The following COL4A4 variants were observed in gnomAD, a reference collection of about 807,000 sequenced individuals.
The protein encoded by COL4A4 is collagen type IV alpha 4 chain, also known as collagen alpha-4(IV) chain.
A neutral mutation model predicts 192.9 loss-of-function variants in COL4A4; 105 were observed. The ratio of observed to expected loss-of-function variants is 0.54; its 90% CI spans 0.46 to 0.64. The LOEUF is 0.64. Among genes scored for constraint, COL4A4 ranks in the 30% least tolerant of loss-of-function variants. The pLI is 0.00. For missense variants in COL4A4, 1,967 were observed against 2,169.3 expected (o/e 0.91, Z 1.85); for synonymous variants, 762 against 769.9 (o/e 0.99, Z 0.17).
rs756788225 is a variant in COL4A4 at position 227,060,191 on chromosome 2, A to G, written c.2109T>C (p.Asp703=). Reference sequence around the variant, plus strand: ...GTGTGCCAGGTCTGCCTTTATGCCCATCTGAACCACTCAGCCCAGGGGCAC... The same window carrying G: ...GTGTGCCAGGTCTGCCTTTATGCCCGTCTGAACCACTCAGCCCAGGGGCAC... ...PQGAPGLSGS[D]GHKGRPGTPG... is the part of the protein sequence containing the mutation. The change falls in exon 27 of 48, where the codon GAT becomes GAC. Residue 703 remains aspartate, a synonymous_variant. Coordinates refer to ENST00000396625, the MANE Select transcript of COL4A4 (RefSeq NM_000092.5). The G allele has an allele frequency of 2.5e-6, 4 of 1,607,798 alleles. No individual in the cohort carries two copies. In the East Asian group the frequency reaches 9.0e-5, roughly 36 times the overall value.
chr2:227,026,382 C>T (rs915110505), intron 42 of COL4A4, among the ~76,000 whole-genome samples: 1 of 151,944 alleles, frequency 6.6e-6, no homozygotes, highest in Non-Finnish European at 1.5e-5. Flanking sequence ...CCTGTAGTCC[C>T]AGCTACTCCG....
chr2:227,022,613 C>A (rs1559431641), intron 43 of COL4A4: 1 of 516,372 alleles, frequency 1.9e-6, no homozygotes, highest in East Asian at 5.5e-5. Flanking sequence ...CTCTACACTG[C>A]AGCCACGTGG....
At chr2:227,126,146 T>C (rs1170376605) in intron 4 of COL4A4, among the ~76,000 whole-genome samples, 1 of 152,200 alleles carries the variant, frequency 6.6e-6, no homozygotes, top group Admixed American at 6.5e-5. Context: ...GTATACTGTA[T>C]ATAGCATTTA....
At chr2:227,034,472 C>T (rs1969126284) in intron 37 of COL4A4, among the ~76,000 whole-genome samples, 1 of 152,114 alleles carries the variant, frequency 6.6e-6, no homozygotes, top group Non-Finnish European at 1.5e-5. Flanking sequence ...ACTGAAGCTT[C>T]TTCCCAGCCT....
chr2:226,967,973 C>G, the COL4A4 span, among the ~76,000 whole-genome samples: 1 of 152,178 alleles, frequency 6.6e-6, no homozygotes, highest in African/African-American at 2.4e-5. Context: ...CCATGACTCT[C>G]TTTTGCTAGT....
At chr2:227,095,826 C>T (rs1402364934) in intron 19 of COL4A4, among the ~76,000 whole-genome samples, 15 of 152,116 alleles carry the variant, frequency 9.9e-5, no homozygotes, top group African/African-American at 3.6e-4. Context: ...ACCTGAGAGG[C>T]GGAGGTTGCA....
chr2:227,120,648 C>T (rs762940802), intron 5 of COL4A4, among the ~76,000 whole-genome samples: 1 of 152,018 alleles, frequency 6.6e-6, no homozygotes, highest in Non-Finnish European at 1.5e-5. Flanking sequence ...TTATAAAACT[C>T]CAGTGCTGGC....
chr2:227,002,614 A>ACTT (rs747092866), downstream of COL4A4: 2 of 152,508 alleles, frequency 1.3e-5, no homozygotes, highest in South Asian at 4.1e-4. Flanking sequence ...TGCAGTTCAC[A>ACTT]CTTCCACAAG....
intron 44 of COL4A4, among the ~76,000 whole-genome samples, chr2:227,020,610 G>A (rs765710194): frequency 6.6e-6 from 1 of 152,110 alleles, no homozygotes; most frequent in Non-Finnish European, 1.5e-5. Context: ...ACAAAATTCA[G>A]TTCTGCTTCC....
At chr2:227,051,483 G>A (rs924309248) in intron 32 of COL4A4, among the ~76,000 whole-genome samples, 55 of 152,290 alleles carry the variant, frequency 3.6e-4, no homozygotes, top group African/African-American at 1.3e-3. Flanking sequence ...AAGCCAAGAT[G>A]AGCACCTCAT....
At chr2:227,031,801 C>T in intron 40 of COL4A4, 144 bp downstream of exon 40, 1 of 717,902 alleles carries the variant, frequency 1.4e-6, no homozygotes, top group South Asian at 1.5e-5. Flanking sequence ...CCCACCCTAA[C>T]TGTGTCCCAC....
the COL4A4 span, chr2:226,996,493 G>A: frequency 6.6e-6 from 1 of 152,188 alleles, no homozygotes. Flanking sequence ...GGCATTTCCT[G>A]GTGCTTGTGT....
chr2:227,094,856 C>T (rs1239658264), intron 19 of COL4A4, among the ~76,000 whole-genome samples: 1 of 152,032 alleles, frequency 6.6e-6, no homozygotes, highest in East Asian at 1.9e-4. Context: ...GATATCTCCA[C>T]AAAGCTATTT....
chr2:227,113,638 C>A (rs76543177), intron 8 of COL4A4, among the ~76,000 whole-genome samples: 5,300 of 152,274 alleles, frequency 0.035, 305 homozygotes, highest in African/African-American at 0.12. Flanking sequence ...AATACACCAT[C>A]CTGGTTCCTA....
chr2:227,102,771 A>T lies in COL4A4; in HGVS notation c.930+18T>A. The T allele has an allele frequency of 6.2e-7, 1 of 1,606,194 alleles. No homozygotes were observed. The highest frequency in any genetic ancestry group is 8.5e-7 in the Non-Finnish European group (1 of 1,172,672). On this transcript the variant is annotated intron_variant, in intron 15 of 47. Transcript: ENST00000396625. ...AATATCTCCAAATTCACTGATGTTA[A>T]CAGCAAATGATGCTTACCCGAGGCC... is the stretch of plus-strand genomic sequence containing the variant.
chr2:227,008,656 A>G (rs1420490972), intron 46 of COL4A4, among the ~76,000 whole-genome samples: 1 of 152,240 alleles, frequency 6.6e-6, no homozygotes, highest in Non-Finnish European at 1.5e-5. Flanking sequence ...GGGATCCGGG[A>G]CCTCAAGGAA....
chr2:227,054,541 T>A, intron 31 of COL4A4, 53 bp downstream of exon 31: 1 of 1,601,292 alleles, frequency 6.2e-7, no homozygotes, highest in East Asian at 2.2e-5. Flanking sequence ...CATTTCTAGG[T>A]TTGGATCAAA....
chr2:227,028,401 C>T (rs1967477633), intron 41 of COL4A4, among the ~76,000 whole-genome samples: 1 of 152,144 alleles, frequency 6.6e-6, no homozygotes, highest in South Asian at 2.1e-4. Flanking sequence ...TAGTTTTAGG[C>T]ACAACAGTTC....
At chr2:226,993,316 C>T in the COL4A4 span, among the ~76,000 whole-genome samples, 2 of 152,196 alleles carry the variant, frequency 1.3e-5, no homozygotes, top group Non-Finnish European at 2.9e-5. Flanking sequence ...AGTCAGGGTG[C>T]CACGTCGAGC....
Sources: gnomAD v4.1 joint callset for allele counts (sites outside exome capture counted in the v4.1 genomes callset) on GRCh38, gnomAD v4.1.1 for gene constraint, MANE v1.5 for transcripts, NCBI Gene and HGNC (gene_info 2026-07-23, HGNC 2026-07-21) for gene names.